The following WNT9B variants were observed in gnomAD, a reference collection of about 807,000 sequenced individuals.
The protein encoded by WNT9B is protein Wnt-9b.
A neutral mutation model predicts 30.2 loss-of-function variants in WNT9B; 12 were observed. That is an observed-to-expected ratio of 0.40 (90% confidence interval 0.26 to 0.64). The LOEUF (loss-of-function observed/expected upper bound fraction) is 0.64, where lower values mean the gene tolerates loss of function less well. Ranked by LOEUF, WNT9B falls within the 30% of genes least tolerant of loss-of-function variation. WNT9B has a pLI of 0.42. For missense variants in WNT9B, 442 were observed against 485.2 expected (o/e 0.91, Z 0.84); for synonymous variants, 218 against 216.9 (o/e 1.01, Z -0.05).
intron 1 of WNT9B, among the ~76,000 whole-genome samples, chr17:46,853,474 C>A (rs1225845289): frequency 1.4e-5 from 2 of 146,810 alleles, no homozygotes; most frequent in East Asian, 2.1e-4. Flanking sequence ...TGGGTTCAAG[C>A]GATTCTCCTG....
intron 1 of WNT9B, among the ~76,000 whole-genome samples, chr17:46,833,748 G>T (rs1445897747): frequency 6.6e-6 from 1 of 152,210 alleles, no homozygotes. Flanking sequence ...AAACAGGCCT[G>T]CCCGGGGAAG....
At position 46,876,825 on chromosome 17, in the gene WNT9B, C is replaced by A; in HGVS notation, c.*107C>A. ...GACTGTCATCACATGCATGCATAAACCGGCATGTGTGCCAATGCACACGAG... is the reference window on the plus strand; with the variant it reads ...GACTGTCATCACATGCATGCATAAAACGGCATGTGTGCCAATGCACACGAG... On this transcript the variant is annotated 3_prime_UTR_variant, in exon 4 of 4. Coordinates refer to ENST00000290015, the MANE Select transcript of WNT9B (RefSeq NM_003396.3). 1.1e-5 allele frequency: 16 copies of A among 1,439,868 alleles called. No homozygotes were observed. Among genetic ancestry groups the A allele is most frequent in the Non-Finnish European group, 1.5e-5 (16 of 1,092,440 alleles). The allele number at this position is 1,439,868 out of a possible 1,614,324, so 89.2% of individuals were successfully genotyped here.
Position 46,876,552 on chromosome 17 carries a change from G to A in WNT9B, c.908G>A (p.Arg303Lys). 2 of 1,613,676 alleles carry A rather than the reference G, an allele frequency of 1.2e-6. No individual in the cohort carries two copies. Among genetic ancestry groups the A allele is most frequent in the Non-Finnish European group, 8.5e-7 (1 of 1,180,030 alleles). ...PSKYSPGTAG[R>K]VCSREASCSS... ...AAGTACTCACCTGGCACAGCAGGTA[G>A]GGTGTGCTCCCGGGAGGCCAGCTGC... Residue 303 changes from arginine (R) to lysine (K), a missense_variant, in exon 4 of 4, where the codon AGG becomes AAG. Arg to Lys is a conservative substitution (Grantham distance 26). Transcript: ENST00000290015.
At chr17:46,856,492 T>C (rs901187574) in intron 1 of WNT9B, among the ~76,000 whole-genome samples, 1 of 151,826 alleles carries the variant, frequency 6.6e-6, no homozygotes, top group Admixed American at 6.6e-5. Context: ...TTCTTTCTTT[T>C]TTTTTTTTTT....
chr17:46,873,797 G>A (rs1038705474), intron 2 of WNT9B, among the ~76,000 whole-genome samples: 10 of 150,400 alleles, frequency 6.6e-5, no homozygotes, highest in Admixed American at 4.6e-4. Context: ...TGTAACCAGC[G>A]TGGTCAAAAT....
chr17:46,844,441 A>G (rs959110549), intron 1 of WNT9B, among the ~76,000 whole-genome samples: 1 of 152,072 alleles, frequency 6.6e-6, no homozygotes, highest in Admixed American at 6.6e-5. Context: ...AGTTCAGGAA[A>G]ACGTGCTATG....
At chr17:46,883,468 A>G (rs2085451097), downstream of WNT9B, among the ~76,000 whole-genome samples, 1 of 151,578 alleles carries the variant, frequency 6.6e-6, no homozygotes, top group African/African-American at 2.4e-5. Context: ...TATTTTTAGT[A>G]GAGACGGGGT....
At chr17:46,873,248 A>G (rs556748550) in intron 2 of WNT9B, among the ~76,000 whole-genome samples, 5 of 151,940 alleles carry the variant, frequency 3.3e-5, no homozygotes, top group African/African-American at 1.2e-4. Context: ...TGTCACATCC[A>G]TCGATCCATC....
downstream of WNT9B, among the ~76,000 whole-genome samples, chr17:46,881,944 T>C (rs939298639): frequency 1.3e-5 from 2 of 152,194 alleles, no homozygotes; most frequent in South Asian, 4.1e-4. Context: ...AAAAATTATC[T>C]ACTACATAGT....
chr17:46,850,842 C>G (rs1020117239), upstream of WNT9B, among the ~76,000 whole-genome samples: 2 of 152,236 alleles, frequency 1.3e-5, no homozygotes, highest in Admixed American at 1.3e-4. Context: ...GGTCCCTCCT[C>G]CCGCAGGGCT....
intron 1 of WNT9B, among the ~76,000 whole-genome samples, chr17:46,857,981 G>C (rs1379327036): frequency 6.6e-6 from 1 of 152,172 alleles, no homozygotes; most frequent in Admixed American, 6.5e-5. Flanking sequence ...CCAGGCTGGA[G>C]TACAATGGCA....
chr17:46,835,528 A>G (rs1177892352), intron 1 of WNT9B, among the ~76,000 whole-genome samples: 1 of 152,118 alleles, frequency 6.6e-6, no homozygotes, highest in Non-Finnish European at 1.5e-5. Flanking sequence ...CCTTATTCTT[A>G]ATGAGGTGAC....
upstream of WNT9B, among the ~76,000 whole-genome samples, chr17:46,849,012 G>T (rs1362851273): frequency 6.6e-6 from 1 of 152,122 alleles, no homozygotes; most frequent in Non-Finnish European, 1.5e-5. Context: ...GCTATTATCT[G>T]GGCAGTTCTA....
downstream of WNT9B, among the ~76,000 whole-genome samples, chr17:46,881,524 C>T (rs921353351): frequency 2.0e-5 from 3 of 152,216 alleles, no homozygotes; most frequent in African/African-American, 4.8e-5. Context: ...CGCTAGCAAG[C>T]GGATCCAGGC....
intron 1 of WNT9B, among the ~76,000 whole-genome samples, chr17:46,855,500 C>T (rs185787599): frequency 6.6e-6 from 1 of 152,170 alleles, no homozygotes. Flanking sequence ...GTCAGTAGCA[C>T]CTGGAGGTGC....
chr17:46,876,893 T>A lies in WNT9B; in HGVS notation c.*175T>A, dbSNP rs1049111218. 15 of 1,381,762 alleles carry A rather than the reference T, an allele frequency of 1.1e-5. No homozygotes were observed. Among genetic ancestry groups the A allele is most frequent in the Non-Finnish European group, 1.4e-5 (15 of 1,065,926 alleles). 85.6% of individuals were successfully genotyped at this position (1,381,762 alleles called of 1,614,324 possible). On this transcript the variant is annotated 3_prime_UTR_variant, in exon 4 of 4. Coordinates refer to ENST00000290015, the MANE Select transcript of WNT9B (RefSeq NM_003396.3). ...TTCCTTGGCCAGCCTTTTGCCTCCC[T>A]CGATACTCAACAAAGAGAAGCAAAG...
At position 46,877,146 on chromosome 17, in the gene WNT9B, G is replaced by T. The variant is rs904177281; in HGVS notation, c.*428G>T. The T allele has an allele frequency of 1.1e-6, 1 of 951,454 alleles. No homozygotes were observed. The highest frequency in any genetic ancestry group is 1.8e-5 in the African/African-American group (1 of 56,512). The allele number at this position is 951,454 out of a possible 1,614,324, so 58.9% of individuals were successfully genotyped here. On this transcript the variant is annotated 3_prime_UTR_variant, in exon 4 of 4. Coordinates refer to ENST00000290015, the MANE Select transcript of WNT9B (RefSeq NM_003396.3). ...AGGAATGCCAAGGCAGGCAGTGCCAGCTGGAAGTGAAGGCGGGAGCCTGGC... is the reference window on the plus strand; with the variant it reads ...AGGAATGCCAAGGCAGGCAGTGCCATCTGGAAGTGAAGGCGGGAGCCTGGC...
rs867727560 is a variant in WNT9B, at chr17:46,838,646, T to A, written c.95+5206T>A. Among the ~76,000 whole-genome samples, 10 of 152,118 alleles carry A rather than the reference T, an allele frequency of 6.6e-5. No individual in the cohort carries two copies. In the Middle Eastern group the frequency reaches 0.01, roughly 155 times the overall value. On this transcript the variant is annotated intron_variant, in intron 1 of 2. Transcript: ENST00000575372. ...TGTCTCAAAATAAATTAATTAATTT[T>A]AAAAATTAAAAATAAAATTTAAAAA...
At chr17:46,842,309 A>G (rs995584973) in intron 1 of WNT9B, among the ~76,000 whole-genome samples, 6 of 152,192 alleles carry the variant, frequency 3.9e-5, no homozygotes, top group Non-Finnish European at 7.4e-5. Context: ...GCACACCCCA[A>G]TATCATTCCT....
Sources: allele counts gnomAD v4.1 joint callset (sites outside exome capture counted in the v4.1 genomes callset), GRCh38; gene constraint gnomAD v4.1.1; transcripts MANE v1.5; gene names NCBI Gene and HGNC (gene_info 2026-07-23, HGNC 2026-07-21).